The following STK24 variants were observed in gnomAD, a reference collection of about 807,000 sequenced individuals.
STK24 encodes the protein serine/threonine-protein kinase 24.
In STK24, 21 loss-of-function variants were observed where a neutral mutation model predicts 55.6. The observed-to-expected ratio is 0.38, with a 90% confidence interval of 0.27 to 0.54. The LOEUF (loss-of-function observed/expected upper bound fraction) is 0.54, where lower values mean the gene tolerates loss of function less well. STK24 is among the 20% of genes least tolerant of loss of function. The pLI is 0.79. For synonymous variants in STK24, 200 were observed against 215.2 expected (o/e 0.93, Z 0.62); for missense variants, 383 against 538.4 (o/e 0.71, Z 2.86).
intron 9 of STK24, among the ~76,000 whole-genome samples, chr13:98,458,305 A>G: frequency 6.6e-6 from 1 of 152,216 alleles, no homozygotes; most frequent in South Asian, 2.1e-4. Context: ...ACTCAACAGA[A>G]GAGGCTCTTT....
chr13:98,521,742 C>T (rs1247117293), intron 1 of STK24: 1 of 777,630 alleles, frequency 1.3e-6, no homozygotes, highest in Non-Finnish European at 2.4e-6. Flanking sequence ...TCAGCAGCTA[C>T]TATCCTCGCT....
At chr13:98,478,894 C>T (rs781010562) in intron 3 of STK24, among the ~76,000 whole-genome samples, 7 of 152,296 alleles carry the variant, frequency 4.6e-5, no homozygotes, top group Middle Eastern at 3.4e-3. Context: ...TCACCTCCCT[C>T]GCCTGCATTG....
chr13:98,496,251 G>A (rs573340842), intron 2 of STK24, among the ~76,000 whole-genome samples: 2 of 152,344 alleles, frequency 1.3e-5, no homozygotes, highest in African/African-American at 4.8e-5. Flanking sequence ...GAATAAACAA[G>A]TCAGATTTCC....
At chr13:98,551,829 A>G (rs552332709) in intron 1 of STK24, among the ~76,000 whole-genome samples, 13 of 152,360 alleles carry the variant, frequency 8.5e-5, no homozygotes, top group African/African-American at 3.1e-4. Flanking sequence ...ACCATGGTGC[A>G]TTAAACATAG....
intron 2 of STK24, among the ~76,000 whole-genome samples, chr13:98,518,958 T>A (rs113047931): frequency 3.0e-4 from 30 of 100,982 alleles, no homozygotes; most frequent in African/African-American, 8.2e-4. Flanking sequence ...ATAACTGTTA[T>A]AATAACTTAA....
chr13:98,480,140 C>T (rs1894530421), intron 3 of STK24, among the ~76,000 whole-genome samples: 1 of 152,224 alleles, frequency 6.6e-6, no homozygotes, highest in Admixed American at 6.5e-5. Flanking sequence ...AAACAGTTTG[C>T]TGGAAGTCTC....
intron 1 of STK24, among the ~76,000 whole-genome samples, chr13:98,574,847 C>CAA (rs36092997): frequency 6.7e-5 from 10 of 148,172 alleles, no homozygotes; most frequent in Admixed American, 1.3e-4. Flanking sequence ...CTGACCCACT[C>CAA]AAAAAAAAAA....
At chr13:98,483,300 C>T (rs750881) in intron 2 of STK24, among the ~76,000 whole-genome samples, 58 of 152,262 alleles carry the variant, frequency 3.8e-4, no homozygotes, top group Admixed American at 3.2e-3. Context: ...GGGACGCCAC[C>T]GCCAGAGTTT....
chr13:98,454,204 CAA>C (rs2139234226), intron 10 of STK24: 1 of 152,252 alleles, frequency 6.6e-6, no homozygotes, highest in African/African-American at 2.4e-5. Context: ...GCAATGCACC[CAA>C]AGATGCTGAT....
intron 2 of STK24, among the ~76,000 whole-genome samples, chr13:98,483,257 C>T (rs1894669842): frequency 1.3e-5 from 2 of 152,156 alleles, no homozygotes; most frequent in African/African-American, 4.8e-5. Context: ...AGAGCCTGGC[C>T]ACGGCGAGCA....
chr13:98,549,487 G>C (rs577917937), intron 1 of STK24, among the ~76,000 whole-genome samples: 1 of 152,322 alleles, frequency 6.6e-6, no homozygotes, highest in East Asian at 1.9e-4. Flanking sequence ...GGAGGTGTTT[G>C]GATCATGGGG....
intron 6 of STK24, among the ~76,000 whole-genome samples, chr13:98,464,559 C>T (rs1400955425): frequency 1.1e-4 from 16 of 144,984 alleles, no homozygotes; most frequent in Non-Finnish European, 1.6e-4. Flanking sequence ...TGCAGTGGCA[C>T]GATTTCGGCT....
At position 98,563,791 on chromosome 13, in the gene STK24, C is replaced by T. The variant is rs149166421; in HGVS notation, c.42+12954G>A. On this transcript the variant is annotated intron_variant, in intron 1 of 10. Transcript: ENST00000539966. The stretch of plus-strand genomic sequence containing the variant: ...AGGAGAATGGCATGAACCTGGGAGG[C>T]GGAGCTTGTAGTGAGCTGAGATCGC... Among the ~76,000 whole-genome samples the T allele has an allele frequency of 3.0e-3, 456 of 150,402 alleles. 2 individuals carry two copies. Among genetic ancestry groups the T allele is most frequent in the African/African-American group, 0.01 (420 of 40,882 alleles).
intron 1 of STK24, among the ~76,000 whole-genome samples, chr13:98,523,269 T>C (rs1420197616): frequency 6.6e-6 from 1 of 152,186 alleles, no homozygotes; most frequent in Admixed American, 6.5e-5. Context: ...GCTCCCATAC[T>C]AAGAGTGGCC....
At position 98,547,037 on chromosome 13, in the gene STK24, G is replaced by C. The variant is rs553460198; in HGVS notation, c.43-27564C>G. ...AGCAATTCTCCTGCCTCAGCCTCCC[G>C]AGTAGCTGGGATTACAGGCATGTGC... On this transcript the variant is annotated intron_variant, in intron 1 of 10. Coordinates refer to ENST00000539966, the MANE Select transcript of STK24 (RefSeq NM_001032296.4). Among the ~76,000 whole-genome samples, 195 of 152,134 alleles carry C rather than the reference G, an allele frequency of 1.3e-3. 3 individuals are homozygous for C. In the South Asian group the frequency reaches 0.016, roughly 12 times the overall value.
At chr13:98,544,580 G>A (rs889913091) in intron 1 of STK24, among the ~76,000 whole-genome samples, 3 of 152,226 alleles carry the variant, frequency 2.0e-5, no homozygotes, top group Non-Finnish European at 4.4e-5. Context: ...GCCCCAGGAG[G>A]CAATGCTCCC....
At chr13:98,476,413 T>C in intron 3 of STK24, among the ~76,000 whole-genome samples, 1 of 152,158 alleles carries the variant, frequency 6.6e-6, no homozygotes, top group Non-Finnish European at 1.5e-5. Context: ...CATTCTTGGT[T>C]TTCAGACTTG....
At chr13:98,567,944 G>C (rs9513449) in intron 1 of STK24, among the ~76,000 whole-genome samples, 3 of 74,334 alleles carry the variant, frequency 4.0e-5, no homozygotes, top group East Asian at 1.5e-3. Flanking sequence ...AAAAAAAAAA[G>C]GGGGGGGGTG....
chr13:98,461,460 A>G (rs1277636653), intron 8 of STK24, among the ~76,000 whole-genome samples: 3 of 152,240 alleles, frequency 2.0e-5, no homozygotes, highest in Non-Finnish European at 2.9e-5. Context: ...AGTCCCTCAG[A>G]GCTATGAAGT....
Sources: allele counts gnomAD v4.1 joint callset (sites outside exome capture counted in the v4.1 genomes callset), GRCh38; gene constraint gnomAD v4.1.1; transcripts MANE v1.5; gene names NCBI Gene and HGNC (gene_info 2026-07-23, HGNC 2026-07-21).